The following YWHAG variants were observed in gnomAD, a reference collection of about 807,000 sequenced individuals.
YWHAG encodes the protein 14-3-3 protein gamma.
A neutral mutation model predicts 23.3 loss-of-function variants in YWHAG; 1 was observed. The observed-to-expected ratio is 0.04, with a 90% CI of 0.02 to 0.20. The LOEUF (loss-of-function observed/expected upper bound fraction) is 0.20, where lower values mean the gene tolerates loss of function less well. YWHAG is among the 10% of genes least tolerant of loss of function. The pLI is 1.00. For synonymous variants in YWHAG, 160 were observed against 144.0 expected (o/e 1.11, Z -0.80); for missense variants, 151 against 338.6 (o/e 0.45, Z 4.35).
chr7:76,343,259 C>T (rs1384074890), intron 1 of YWHAG, among the ~76,000 whole-genome samples: 1 of 150,552 alleles, frequency 6.6e-6, no homozygotes, highest in Non-Finnish European at 1.5e-5. Context: ...CTGCTGAACA[C>T]CCTACAATGC....
intron 1 of YWHAG, among the ~76,000 whole-genome samples, chr7:76,344,059 G>A (rs925342108): frequency 6.6e-6 from 1 of 152,176 alleles, no homozygotes; most frequent in African/African-American, 2.4e-5. Flanking sequence ...TGCACCAAGT[G>A]TAATGGAACA....
intron 1 of YWHAG, among the ~76,000 whole-genome samples, chr7:76,352,417 C>T (rs1015968853): frequency 6.6e-6 from 1 of 152,116 alleles, no homozygotes; most frequent in South Asian, 2.1e-4. Flanking sequence ...ACTGTCATTA[C>T]GTGTTCAGCT....
At chr7:76,347,434 T>C (rs968515678) in intron 1 of YWHAG, among the ~76,000 whole-genome samples, 5 of 151,992 alleles carry the variant, frequency 3.3e-5, no homozygotes, top group Admixed American at 6.6e-5. Context: ...CTGTCTCTAC[T>C]AAAAATACAA....
rs1188725447 is a variant in YWHAG at position 76,326,952 on chromosome 7, C to T, written c.*2625G>A. The T allele has an allele frequency of 6.6e-6, 1 of 152,568 alleles. No individual in the cohort carries two copies. Among genetic ancestry groups the T allele is most frequent in the African/African-American group, 2.4e-5 (1 of 41,420 alleles). The allele number at this position is 152,568 out of a possible 1,614,324, so 9.5% of individuals were successfully genotyped here. On this transcript the variant is annotated 3_prime_UTR_variant, in exon 2 of 2. Transcript: ENST00000307630. ...CTGGAAAAATAATCACTGATTAGACCTTAAAAATAGTTCACTGCATAACAT... is the reference window on the plus strand; with the variant it reads ...CTGGAAAAATAATCACTGATTAGACTTTAAAAATAGTTCACTGCATAACAT...
intron 1 of YWHAG, among the ~76,000 whole-genome samples, chr7:76,336,367 A>T (rs1231367126): frequency 2.0e-5 from 3 of 151,722 alleles, no homozygotes; most frequent in African/African-American, 7.3e-5. Context: ...TGAGGGAAGA[A>T]GGCTGTGCTT....
intron 1 of YWHAG, among the ~76,000 whole-genome samples, chr7:76,331,636 A>G (rs2115593314): frequency 6.6e-6 from 1 of 152,224 alleles, no homozygotes; most frequent in African/African-American, 2.4e-5. Flanking sequence ...AGGGAAGCCA[A>G]AAGACTGGAC....
intron 1 of YWHAG, among the ~76,000 whole-genome samples, chr7:76,342,095 T>C (rs948953573): frequency 1.3e-5 from 2 of 152,168 alleles, no homozygotes; most frequent in Non-Finnish European, 2.9e-5. Context: ...AATCCTCCTC[T>C]TGTGACCTCC....
intron 1 of YWHAG, among the ~76,000 whole-genome samples, chr7:76,342,485 T>C (rs1005831006): frequency 6.6e-6 from 1 of 152,210 alleles, no homozygotes; most frequent in African/African-American, 2.4e-5. Context: ...ACTTGACTTC[T>C]TCATATCAAG....
At chr7:76,358,624 C>T in intron 1 of YWHAG, 98 bp downstream of exon 1, 1 of 1,252,526 alleles carries the variant, frequency 8.0e-7, no homozygotes, top group Non-Finnish European at 1.1e-6. Flanking sequence ...GCGGTCAACC[C>T]GCCATCGCGA....
chr7:76,334,359 G>A (rs1329962292), intron 1 of YWHAG, among the ~76,000 whole-genome samples: 1 of 152,174 alleles, frequency 6.6e-6, no homozygotes, highest in African/African-American at 2.4e-5. Flanking sequence ...ACTATTCAAT[G>A]TGGGAAGATA....
intron 1 of YWHAG, among the ~76,000 whole-genome samples, chr7:76,349,947 T>C (rs543864805): frequency 5.3e-4 from 80 of 152,180 alleles, no homozygotes; most frequent in Non-Finnish European, 9.0e-4. Flanking sequence ...TGAGTTGAGA[T>C]TGCACCACTG....
chr7:76,331,271 AACTGGCTGGG>A (rs1169870136), intron 1 of YWHAG, among the ~76,000 whole-genome samples: 1 of 131,188 alleles, frequency 7.6e-6, no homozygotes, highest in Non-Finnish European at 1.6e-5. Context: ...AGCACATGCC[AACTGGCTGGG>A]GATGGGGAGA....
In YWHAG at chr7:76,329,506, C is replaced by T. The variant is rs1803509313; in HGVS notation, c.*71G>A. The T allele has an allele frequency of 7.2e-7, 1 of 1,396,074 alleles. No homozygotes were observed. The allele number at this position is 1,396,074 out of a possible 1,614,324, so 86.5% of individuals were successfully genotyped here. A position where few individuals can be genotyped will look rare whatever the true frequency, so the allele number is the denominator to read the frequency against. ...CCTCCCTTTCCCTCCCCCACCCGACCCCCAACTCATGGGAAAAAAATAAAG... is the reference window on the plus strand; with the variant it reads ...CCTCCCTTTCCCTCCCCCACCCGACTCCCAACTCATGGGAAAAAAATAAAG... On this transcript the variant is annotated 3_prime_UTR_variant, in exon 2 of 2. Transcript: ENST00000307630. This position sits in a 1 kb window ranked among gnomAD's most constrained non-coding sequence, Gnocchi z 6.1.
At chr7:76,350,407 T>G (rs1803856613) in intron 1 of YWHAG, among the ~76,000 whole-genome samples, 1 of 152,218 alleles carries the variant, frequency 6.6e-6, no homozygotes, top group Non-Finnish European at 1.5e-5. Context: ...AATTCCCCTC[T>G]TGGGTCTGTC....
In YWHAG at chr7:76,328,305, A is replaced by T. The variant is rs1336405343; in HGVS notation, c.*1272T>A. 3 of 152,166 alleles carry T rather than the reference A, an allele frequency of 2.0e-5. No individual in the cohort carries two copies. The East Asian group carries it at 5.8e-4, about 29-fold the overall frequency. The allele number at this position is 152,166 out of a possible 1,614,324, so 9.4% of individuals were successfully genotyped here. On this transcript the variant is annotated 3_prime_UTR_variant, in exon 2 of 2. Coordinates refer to ENST00000307630, the MANE Select transcript of YWHAG (RefSeq NM_012479.4). The stretch of plus-strand genomic sequence containing the variant: ...AAGAAAAAACTATCTCGAGAGGAAA[A>T]AGTTCTGGTCAAATAGGAGTTCAGT...
chr7:76,351,609 G>A (rs1803873463), intron 1 of YWHAG, among the ~76,000 whole-genome samples: 1 of 152,098 alleles, frequency 6.6e-6, no homozygotes, highest in South Asian at 2.1e-4. Context: ...GATCAGCGGT[G>A]GCATTAGATT....
At position 76,356,250 on chromosome 7, in the gene YWHAG, C is replaced by G. The variant is rs1330776312; in HGVS notation, c.87+2472G>C. ...TTAGGTAGTTGCCATTTTGGAACAC[C>G]TACTACATTTCTTATTGAATCCGCA... On this transcript the variant is annotated intron_variant, in intron 1 of 1. Coordinates refer to ENST00000307630, the MANE Select transcript of YWHAG (RefSeq NM_012479.4). 2.0e-5 allele frequency among the ~76,000 whole-genome samples: 3 copies of G among 152,298 alleles called. No individual in the cohort carries two copies. The East Asian group carries it at 5.8e-4, about 29-fold the overall frequency.
intron 1 of YWHAG, among the ~76,000 whole-genome samples, chr7:76,350,704 C>T (rs939853042): frequency 6.6e-6 from 1 of 152,036 alleles, no homozygotes; most frequent in Non-Finnish European, 1.5e-5. Context: ...ATTAGCCGGG[C>T]GTGGTGGTAC....
intron 1 of YWHAG, among the ~76,000 whole-genome samples, chr7:76,353,200 C>T (rs1803900299): frequency 6.6e-6 from 1 of 151,838 alleles, no homozygotes; most frequent in African/African-American, 2.4e-5. Context: ...AAAATTAAAG[C>T]TTTCTTTTGG....
Sources: gnomAD v4.1 joint callset for allele counts (sites outside exome capture counted in the v4.1 genomes callset) on GRCh38, gnomAD v4.1.1 for gene constraint, Gnocchi (gnomAD v3.1) non-coding constraint, MANE v1.5 for transcripts, NCBI Gene and HGNC (gene_info 2026-07-23, HGNC 2026-07-21) for gene names.